TIAM2: variants seen among roughly 807,000 people sequenced by gnomAD.
TIAM2 encodes the protein rho guanine nucleotide exchange factor TIAM2.
Under a neutral mutation model 152.9 loss-of-function variants are expected in TIAM2, and 80 were observed. The observed-to-expected ratio is 0.52, with a 90% CI of 0.44 to 0.63. TIAM2 has a LOEUF of 0.63. TIAM2 is among the 30% of genes least tolerant of loss of function. The pLI, the probability that TIAM2 is intolerant of heterozygous loss-of-function variation, is 0.00. For missense variants in TIAM2, 1,965 were observed against 2,120.1 expected (o/e 0.93, Z 1.44); for synonymous variants, 804 against 838.0 (o/e 0.96, Z 0.70).
chr6:155,019,983 G>A (rs1472639320), intron 1 of TIAM2, among the ~76,000 whole-genome samples: 2 of 152,116 alleles, frequency 1.3e-5, no homozygotes, highest in African/African-American at 4.8e-5. Flanking sequence ...AACCTGGAAG[G>A]CGGAGGTTGC....
Position 155,060,135 on chromosome 6 carries a change from T to C in TIAM2, c.-208-30154T>C, listed in dbSNP as rs574369786. On this transcript the variant is annotated intron_variant, in intron 1 of 26. Transcript: ENST00000682666. ...AATACATTTAATAGGCTGGGTGCGG[T>C]GCTTACGCCTGTAATCCCAGCACTT... Among the ~76,000 whole-genome samples the C allele has an allele frequency of 1.8e-3, 272 of 152,276 alleles. 1 individual carries two copies. Among genetic ancestry groups the C allele is most frequent in the African/African-American group, 6.1e-3 (255 of 41,564 alleles).
intron 20 of TIAM2, 21 bp from the exon 21 acceptor site, chr6:155,249,830 A>G (rs1783543052): frequency 6.4e-7 from 1 of 1,557,220 alleles, no homozygotes; most frequent in Non-Finnish European, 8.8e-7. Context: ...TATGAAATAA[A>G]TATGATTTCA....
At chr6:155,130,990 A>T (rs1583206341) in intron 4 of TIAM2, among the ~76,000 whole-genome samples, 1 of 152,216 alleles carries the variant, frequency 6.6e-6, no homozygotes, top group Non-Finnish European at 1.5e-5. Flanking sequence ...GAGGGGGGAA[A>T]CAAATGTTCA....
chr6:155,032,977 C>T (rs747569095), intron 1 of TIAM2, among the ~76,000 whole-genome samples: 4 of 152,220 alleles, frequency 2.6e-5, no homozygotes, highest in Non-Finnish European at 4.4e-5. Context: ...GTTAATTCTA[C>T]GACCACAGCT....
chr6:155,131,331 G>C (rs1779440411), intron 4 of TIAM2, among the ~76,000 whole-genome samples: 1 of 150,718 alleles, frequency 6.6e-6, no homozygotes, highest in African/African-American at 2.5e-5. Context: ...GGGCAACAGA[G>C]AGAGACTCTG....
chr6:155,249,840 A>G lies in TIAM2; in HGVS notation c.3833-11A>G, dbSNP rs1216729671. 2 of 1,596,120 alleles carry G rather than the reference A, an allele frequency of 1.3e-6. No homozygotes were observed. The highest frequency in any genetic ancestry group is 1.7e-5 in the Admixed American group (1 of 58,474). On this transcript the variant is annotated splice_polypyrimidine_tract_variant and intron_variant, in intron 20 of 26. Transcript: ENST00000682666. The stretch of plus-strand genomic sequence containing the variant: ...ACAGTTATGAAATAAATATGATTTC[A>G]TATCTTGCAGAAGCACTAAAGGCAA...
intron 1 of TIAM2, among the ~76,000 whole-genome samples, chr6:155,063,934 C>T (rs779444323): frequency 1.3e-5 from 2 of 151,612 alleles, no homozygotes; most frequent in Non-Finnish European, 2.9e-5. Flanking sequence ...AAGAAGAAAG[C>T]AGAAATTATG....
chr6:155,144,721 C>T lies in TIAM2; in HGVS notation c.1746C>T (p.Pro582=). The part of the protein sequence containing the change: ...DSIVQSVPEH[P]KKENVFCLSN... ...TAGTGCAGTCTGTTCCAGAGCATCC[C>T]AAGAAAGAAAATGTGTTCTGCCTCA... Residue 582 remains proline, a synonymous_variant, in exon 6 of 27, where the codon CCC becomes CCT. Transcript: ENST00000682666. 6.2e-7 allele frequency: 1 copy of T among 1,610,570 alleles called. No individual in the cohort carries two copies. Among genetic ancestry groups the T allele is most frequent in the Non-Finnish European group, 8.5e-7 (1 of 1,178,756 alleles).
At chr6:155,231,126 G>A (rs920402756) in intron 15 of TIAM2, among the ~76,000 whole-genome samples, 1 of 152,148 alleles carries the variant, frequency 6.6e-6, no homozygotes, top group Non-Finnish European at 1.5e-5. Flanking sequence ...ATAGGCGTGA[G>A]CCACTGCACC....
At chr6:155,142,175 C>T (rs932812819) in intron 5 of TIAM2, among the ~76,000 whole-genome samples, 5 of 152,196 alleles carry the variant, frequency 3.3e-5, no homozygotes, top group African/African-American at 9.6e-5. Context: ...TTCCACTGGC[C>T]CCAGTGCACC....
At chr6:155,240,822 G>A (rs1166129084) in intron 16 of TIAM2, 113 bp downstream of exon 16, 10 of 1,096,538 alleles carry the variant, frequency 9.1e-6, no homozygotes, top group Non-Finnish European at 1.2e-5. Flanking sequence ...TCCCCAGGGG[G>A]GGACACCTGC....
At chr6:155,172,686 A>ATATTTT (rs1562341365) in intron 9 of TIAM2, among the ~76,000 whole-genome samples, 2 of 19,634 alleles carry the variant, frequency 1.0e-4, no homozygotes, top group African/African-American at 1.7e-4. Flanking sequence ...ATATATATAT[A>ATATTTT]TTTTTTTTTT....
At chr6:155,036,525 A>G (rs1186460319) in intron 1 of TIAM2, among the ~76,000 whole-genome samples, 1 of 151,508 alleles carries the variant, frequency 6.6e-6, no homozygotes, top group African/African-American at 2.4e-5. Flanking sequence ...AGAAAAAAAA[A>G]AAAAAAAAGA....
intron 2 of TIAM2, among the ~76,000 whole-genome samples, chr6:155,119,648 T>G (rs1202649125): frequency 1.3e-5 from 2 of 152,248 alleles, no homozygotes; most frequent in Admixed American, 6.5e-5. Context: ...CAACAATGAC[T>G]TTTCGAATGT....
intron 18 of TIAM2, among the ~76,000 whole-genome samples, chr6:155,245,058 G>A (rs146746694): frequency 0.014 from 2,076 of 152,300 alleles, 21 homozygotes; most frequent in Non-Finnish European, 0.02. Context: ...CTCAGCTGCT[G>A]TGAAGGATAT....
chr6:155,092,778 C>T (rs1004305169), intron 2 of TIAM2, among the ~76,000 whole-genome samples: 5 of 152,098 alleles, frequency 3.3e-5, no homozygotes, highest in African/African-American at 1.2e-4. Context: ...TCACTTGAAC[C>T]TGGGAGGCAG....
intron 1 of TIAM2, among the ~76,000 whole-genome samples, chr6:155,071,031 G>A (rs753628553): frequency 6.6e-6 from 1 of 152,166 alleles, no homozygotes; most frequent in Non-Finnish European, 1.5e-5. Flanking sequence ...AAATTCGTGG[G>A]ACATGGTTGT....
chr6:155,117,138 A>C (rs931962599), intron 2 of TIAM2, among the ~76,000 whole-genome samples: 1 of 139,622 alleles, frequency 7.2e-6, no homozygotes, highest in African/African-American at 2.6e-5. Context: ...AATAAGGAAA[A>C]TATTTCGTCT....
chr6:155,076,848 G>T (rs141617338), intron 1 of TIAM2, among the ~76,000 whole-genome samples: 1 of 152,006 alleles, frequency 6.6e-6, no homozygotes, highest in Non-Finnish European at 1.5e-5. Flanking sequence ...TGCGTGTACC[G>T]CCATGCCTGG....
Sources: gnomAD v4.1 joint callset for allele counts (sites outside exome capture counted in the v4.1 genomes callset) on GRCh38, gnomAD v4.1.1 for gene constraint, MANE v1.5 for transcripts, NCBI Gene and HGNC (gene_info 2026-07-23, HGNC 2026-07-21) for gene names.